The following TM4SF19 variants were observed in gnomAD, a reference collection of about 807,000 sequenced individuals.
The protein encoded by TM4SF19 is transmembrane 4 L6 family member 19.
Under a neutral mutation model 21.8 loss-of-function variants are expected in TM4SF19, and 17 were observed. The ratio of observed to expected loss-of-function variants is 0.78; its 90% CI spans 0.53 to 1.17. TM4SF19 has a LOEUF of 1.17. Among genes scored for constraint, TM4SF19 ranks in the 50% most tolerant of loss-of-function variants. The probability of loss-of-function intolerance (pLI) is 0.00; values close to 1 mark genes in which losing one functional copy is unlikely to be tolerated. For synonymous variants in TM4SF19, 107 were observed against 106.7 expected (o/e 1.00, Z -0.02); for missense variants, 216 against 252.1 (o/e 0.86, Z 0.97).
At chr3:196,331,139 G>T (rs1727487873) in intron 1 of TM4SF19, among the ~76,000 whole-genome samples, 1 of 151,996 alleles carries the variant, frequency 6.6e-6, no homozygotes, top group South Asian at 2.1e-4. Context: ...TGCTGGACGT[G>T]GTGGCAGGCA....
At position 196,324,371 on chromosome 3, in the gene TM4SF19, C is replaced by T. The variant is rs138996733; in HGVS notation, c.349G>A (p.Val117Ile). 3.1e-6 allele frequency: 5 copies of T among 1,614,034 alleles called. No individual in the cohort carries two copies. The highest frequency in any genetic ancestry group is 3.4e-6 in the Non-Finnish European group (4 of 1,180,046). Residue 117 changes from valine to isoleucine, a missense_variant, in exon 4 of 5, where the codon GTT becomes ATT. Transcript: ENST00000273695. ...CAAAAAGGACCATCTTTCAGAGCAA[C>T]TCCAGAAGTGACAAAGCAAATCAGG... ...GALICFVTSGVALKDGPFCMF... is the reference protein window; with the variant it reads ...GALICFVTSGIALKDGPFCMF...
chr3:196,330,647 G>C (rs777876565), intron 1 of TM4SF19, among the ~76,000 whole-genome samples: 1 of 152,152 alleles, frequency 6.6e-6, no homozygotes, highest in Admixed American at 6.5e-5. Flanking sequence ...CGAAATTCTA[G>C]AAAAGGCAAA....
Position 196,324,388 on chromosome 3 carries a change from C to T in TM4SF19, c.332G>A (p.Cys111Tyr). The change falls in exon 4 of 5, where the codon TGC (cysteine) becomes TAC (tyrosine). Residue 111 changes from cysteine to tyrosine, a missense_variant. Physicochemically the swap from Cys to Tyr is radical, Grantham distance 194. Coordinates refer to ENST00000273695, the MANE Select transcript of TM4SF19 (RefSeq NM_138461.4). ...CAGAGCAACTCCAGAAGTGACAAAGCAAATCAGGGCTCCAAGTAAAGCCAG... is the reference window on the plus strand; with the variant it reads ...CAGAGCAACTCCAGAAGTGACAAAGTAAATCAGGGCTCCAAGTAAAGCCAG... ...GGLALLGALICFVTSGVALKD... is the reference protein window; with the variant it reads ...GGLALLGALIYFVTSGVALKD... 2 of 1,614,158 alleles carry T rather than the reference C, an allele frequency of 1.2e-6. No homozygotes were observed. The highest frequency in any genetic ancestry group is 1.1e-5 in the South Asian group (1 of 91,086).
Position 196,323,874 on chromosome 3 carries a change from C to T in TM4SF19, c.573G>A (p.Val191=), listed in dbSNP as rs199699594. ...GGAGGCTGTTGATGACATGAACGAC[C>T]ACCAGGAGAAGCTGGAGCAGGCTGA... ...LCISLLQLLL[V]VVHVINSLLG... is the part of the protein sequence containing the mutation. The change falls in exon 5 of 5, where the codon GTG becomes GTA. Residue 191 remains valine (V), a synonymous_variant. Transcript: ENST00000273695. 4 of 1,614,128 alleles carry T rather than the reference C, an allele frequency of 2.5e-6. No homozygotes were observed. In the African/African-American group the frequency reaches 5.3e-5, roughly 22 times the overall value.
In TM4SF19 at chr3:196,327,060, G is replaced by C. The variant is rs547875579; in HGVS notation, c.202-28C>G. The stretch of plus-strand genomic sequence containing the variant: ...GCAGGAGAGAGAAGAATGTTGAGAT[G>C]GGGAAATCGACTTTGCCGGCTGTTT... On this transcript the variant is annotated intron_variant, in intron 2 of 4. Transcript: ENST00000273695. 8 of 1,576,796 alleles carry C rather than the reference G, an allele frequency of 5.1e-6. No individual in the cohort carries two copies. In the South Asian group the frequency reaches 8.9e-5, roughly 17 times the overall value.
intron 1 of TM4SF19, among the ~76,000 whole-genome samples, chr3:196,337,576 C>T (rs1407813517): frequency 6.6e-6 from 1 of 152,098 alleles, no homozygotes; most frequent in Admixed American, 6.5e-5. Context: ...TGTGACCTTC[C>T]TCTAGTGCTG....
intron 3 of TM4SF19, among the ~76,000 whole-genome samples, chr3:196,326,176 T>A (rs1462864332): frequency 6.6e-6 from 1 of 152,090 alleles, no homozygotes; most frequent in African/African-American, 2.4e-5. Flanking sequence ...GGTTTCACCA[T>A]GTTGGCCAGG....
Position 196,325,084 on chromosome 3 carries a change from CTG to C in TM4SF19, c.280-646_280-645del, listed in dbSNP as rs1184642783. ...GCTGAGAGCTTTCTTGGCCATCAGT[CTG>C]TGCTCCCACTGCCCTCCCAGAAAAT... On this transcript the variant is annotated intron_variant, in intron 3 of 4. Coordinates refer to ENST00000273695, the MANE Select transcript of TM4SF19 (RefSeq NM_138461.4). The surrounding 1 kb of genome is among the most constrained non-coding windows in gnomAD (Gnocchi z 4.3). The C allele has an allele frequency of 6.6e-6, 1 of 152,348 alleles. No individual in the cohort carries two copies. The highest frequency in any genetic ancestry group is 1.5e-5 in the Non-Finnish European group (1 of 68,124). 9.4% of individuals were successfully genotyped at this position (152,348 alleles called of 1,614,324 possible).
chr3:196,324,603 G>T (rs1727212634), intron 3 of TM4SF19, 163 bp from the exon 4 acceptor site: 2 of 675,350 alleles, frequency 3.0e-6, no homozygotes, highest in East Asian at 2.8e-5. Context: ...GTCCTGTCAT[G>T]GGGGAGAATT....
In TM4SF19 at chr3:196,323,566, A is replaced by G. The variant is rs1727151763; in HGVS notation, c.*251T>C. On this transcript the variant is annotated 3_prime_UTR_variant, in exon 5 of 5. Coordinates refer to ENST00000273695, the MANE Select transcript of TM4SF19 (RefSeq NM_138461.4). ...TGAGACCCTGGCTGGAGGATATTTT[A>G]TGGACTATAAATTCCTAAACAATTA... The G allele has an allele frequency of 2.7e-6, 2 of 747,972 alleles. No homozygotes were observed. Among genetic ancestry groups the G allele is most frequent in the African/African-American group, 3.5e-5 (2 of 56,560 alleles). The allele number at this position is 747,972 out of a possible 1,614,324, so 46.3% of individuals were successfully genotyped here. A position where few individuals can be genotyped will look rare whatever the true frequency, so the allele number is the denominator to read the frequency against.
intron 2 of TM4SF19, 37 bp from the exon 3 acceptor site, chr3:196,327,069 G>T: frequency 6.4e-7 from 1 of 1,552,118 alleles, no homozygotes; most frequent in South Asian, 1.1e-5. Context: ...TGGGGAAATC[G>T]ACTTTGCCGG....
At chr3:196,327,146 C>A in intron 2 of TM4SF19, 114 bp from the exon 3 acceptor site, 1 of 891,768 alleles carries the variant, frequency 1.1e-6, no homozygotes. Flanking sequence ...GTCCTGTTGA[C>A]TCTGACTCTG....
At chr3:196,338,240 C>T (rs1358122256) in intron 1 of TM4SF19, 24 bp downstream of exon 1, 1 of 152,264 alleles carries the variant, frequency 6.6e-6, no homozygotes, top group Non-Finnish European at 1.5e-5. Flanking sequence ...CTGGCCGTCA[C>T]CTCACCCTTT....
chr3:196,326,036 G>A (rs1727272893), intron 3 of TM4SF19, among the ~76,000 whole-genome samples: 2 of 152,124 alleles, frequency 1.3e-5, no homozygotes, highest in South Asian at 2.1e-4. Context: ...GTGCAGTGGC[G>A]CCATCTCGGC....
intron 3 of TM4SF19, 76 bp from the exon 4 acceptor site, chr3:196,324,516 G>A (rs1727207195): frequency 1.3e-6 from 2 of 1,533,928 alleles, no homozygotes; most frequent in Non-Finnish European, 1.8e-6. Flanking sequence ...GAAACGCTGA[G>A]CTAAGACGGG....
chr3:196,325,221 G>C lies in TM4SF19; in HGVS notation c.280-781C>G, dbSNP rs538782193. 6.7e-6 allele frequency: 1 copy of C among 149,714 alleles called. No individual in the cohort carries two copies. Among genetic ancestry groups the C allele is most frequent in the South Asian group, 2.1e-4 (1 of 4,718 alleles). The allele number at this position is 149,714 out of a possible 1,614,324, so 9.3% of individuals were successfully genotyped here. A position where few individuals can be genotyped will look rare whatever the true frequency, so the allele number is the denominator to read the frequency against. On this transcript the variant is annotated intron_variant, in intron 3 of 4. Transcript: ENST00000273695. The surrounding 1 kb of genome is among the most constrained non-coding windows in gnomAD (Gnocchi z 4.3). ...TCTTTCTCTCTCTCTCTTTCTTTTTGAGACAGAGTCTCACTCTGTCGCCCA... is the reference window on the plus strand; with the variant it reads ...TCTTTCTCTCTCTCTCTTTCTTTTTCAGACAGAGTCTCACTCTGTCGCCCA...
chr3:196,327,535 C>T lies in TM4SF19; in HGVS notation c.56G>A (p.Gly19Glu). Residue 19 changes from glycine (G) to glutamate (E), a missense_variant, in exon 2 of 5, where the codon GGA (glycine) becomes GAA (glutamate). Physicochemically the swap from Gly to Glu is moderately conservative, Grantham distance 98 (BLOSUM62 -2). Transcript: ENST00000273695. ...ASSRTCSRIL[G>E]LSLGTAALFA... The stretch of plus-strand genomic sequence containing the variant: ...CAGGGCTGCAGTCCCAAGGCTCAGT[C>T]CCAGGATACGGGAGCAAGTCCGTGA... 1 of 1,614,078 alleles carries T rather than the reference C, an allele frequency of 6.2e-7. No homozygotes were observed.
intron 1 of TM4SF19, among the ~76,000 whole-genome samples, chr3:196,328,758 T>TG (rs1351802134): frequency 6.6e-6 from 1 of 152,184 alleles, no homozygotes; most frequent in African/African-American, 2.4e-5. Flanking sequence ...TATATGGAAA[T>TG]GCAAAGCAAT....
intron 1 of TM4SF19, among the ~76,000 whole-genome samples, chr3:196,331,755 C>T (rs1039956658): frequency 6.6e-6 from 1 of 151,950 alleles, no homozygotes; most frequent in Non-Finnish European, 1.5e-5. Flanking sequence ...CCACTGCACT[C>T]CAGCCTGGAC....
Sources: allele counts gnomAD v4.1 joint callset (sites outside exome capture counted in the v4.1 genomes callset), GRCh38; gene constraint gnomAD v4.1.1; non-coding constraint Gnocchi (gnomAD v3.1); transcripts MANE v1.5; gene names NCBI Gene and HGNC (gene_info 2026-07-23, HGNC 2026-07-21).